The following COPS2 variants were observed in gnomAD, a reference collection of about 807,000 sequenced individuals.
COPS2 encodes COP9 signalosome complex subunit 2.
COPS2 carries 10 observed loss-of-function variants against 66.1 expected under a neutral mutation model. The ratio of observed to expected loss-of-function variants is 0.15; its 90% CI spans 0.09 to 0.26. COPS2 has a LOEUF of 0.26. Among genes scored for constraint, COPS2 ranks in the 10% least tolerant of loss-of-function variants. COPS2 has a pLI of 1.00. For missense variants in COPS2, 215 were observed against 513.3 expected, an observed-to-expected ratio of 0.42 and a Z score of 5.62; for synonymous variants, 179 against 171.3, an observed-to-expected ratio of 1.04 and a Z score of -0.35.
At chr15:49,146,191 T>TACA (rs1476040975) in intron 1 of COPS2, among the ~76,000 whole-genome samples, 8 of 152,144 alleles carry the variant, frequency 5.3e-5, no homozygotes, top group African/African-American at 1.9e-4. Context: ...GGCTTTGTAA[T>TACA]GTGCGCCCTC....
chr15:49,141,165 T>C (rs2084287520), intron 3 of COPS2, among the ~76,000 whole-genome samples: 2 of 152,174 alleles, frequency 1.3e-5, no homozygotes, highest in South Asian at 4.1e-4. Context: ...CTATCCTAAC[T>C]TTGAAGCTGT....
intron 4 of COPS2, 178 bp from the exon 5 acceptor site, chr15:49,137,615 A>G: frequency 1.9e-6 from 1 of 539,710 alleles, no homozygotes; most frequent in Middle Eastern, 4.9e-4. Flanking sequence ...AATACAGACC[A>G]AATTTACAAG....
At chr15:49,150,263 T>A (rs201815610) in intron 1 of COPS2, among the ~76,000 whole-genome samples, 51 of 127,262 alleles carry the variant, frequency 4.0e-4, no homozygotes, top group East Asian at 1.4e-3. Flanking sequence ...AAAAAAAAAA[T>A]AAATAAAAAT....
Position 49,153,507 on chromosome 15 carries a change from T to C in COPS2, c.54+2018A>G, listed in dbSNP as rs1363943646. On this transcript the variant is annotated intron_variant, in intron 1 of 12. Transcript: ENST00000388901. ...ATGGAGATTTCTCAAAAACTAGAAG[T>C]AGAACTACCATAAGATCTTGCAATC... is the stretch of plus-strand genomic sequence containing the variant. Among the ~76,000 whole-genome samples, 5 of 152,040 alleles carry C rather than the reference T, an allele frequency of 3.3e-5. No homozygotes were observed. In the East Asian group the frequency reaches 9.6e-4, roughly 29 times the overall value.
rs2084311224 is a variant in COPS2, at chr15:49,144,881, G to A, written c.168+84C>T. Reference sequence around the variant, plus strand: ...AATTAAGTATTCAAAACACATTTCTGAGATAAAATCACCTGGGACTTATTT... The same window carrying A: ...AATTAAGTATTCAAAACACATTTCTAAGATAAAATCACCTGGGACTTATTT... On this transcript the variant is annotated intron_variant, in intron 2 of 12. Coordinates refer to ENST00000388901, the MANE Select transcript of COPS2 (RefSeq NM_004236.4). The A allele has an allele frequency of 2.1e-5, 15 of 720,500 alleles. 1 individual carries two copies. The Middle Eastern group carries it at 1.2e-3, about 58-fold the overall frequency. The allele number at this position is 720,500 out of a possible 1,614,324, so 44.6% of individuals were successfully genotyped here. A position where few individuals can be genotyped will look rare whatever the true frequency, so the allele number is the denominator to read the frequency against.
chr15:49,127,675 C>A lies in COPS2; in HGVS notation c.*275G>T. The A allele has an allele frequency of 3.4e-6, 1 of 290,470 alleles. No homozygotes were observed. The highest frequency in any genetic ancestry group is 6.4e-6 in the Non-Finnish European group (1 of 157,290). The allele number at this position is 290,470 out of a possible 1,614,324, so 18.0% of individuals were successfully genotyped here. On this transcript the variant is annotated 3_prime_UTR_variant, in exon 13 of 13. Coordinates refer to ENST00000388901, the MANE Select transcript of COPS2 (RefSeq NM_004236.4). Reference sequence around the variant, plus strand: ...AAATCTTCTCTCTGGTCATGTTGCCCATGACAAATTACTATGATGTTGTAC... The same window carrying A: ...AAATCTTCTCTCTGGTCATGTTGCCAATGACAAATTACTATGATGTTGTAC...
chr15:49,131,796 A>G (rs2084211256), intron 9 of COPS2, among the ~76,000 whole-genome samples: 1 of 152,202 alleles, frequency 6.6e-6, no homozygotes, highest in South Asian at 2.1e-4. Context: ...GTGTACATAC[A>G]TATTTTAACC....
intron 4 of COPS2, 136 bp downstream of exon 4, chr15:49,139,392 T>A (rs1225275085): frequency 2.9e-6 from 2 of 684,890 alleles, no homozygotes; most frequent in East Asian, 5.5e-5. Flanking sequence ...ATAGTACTTA[T>A]CATTTTTAAA....
intron 9 of COPS2, among the ~76,000 whole-genome samples, chr15:49,132,701 A>C (rs1212711761): frequency 6.6e-6 from 1 of 151,650 alleles, no homozygotes; most frequent in Admixed American, 6.6e-5. Context: ...ATACTTTTTT[A>C]ATGAATAAAA....
intron 6 of COPS2, among the ~76,000 whole-genome samples, chr15:49,136,343 T>C (rs1255834788): frequency 2.0e-5 from 3 of 152,194 alleles, no homozygotes; most frequent in Admixed American, 2.0e-4. Context: ...TAAAAAGTTA[T>C]AGAGCCATTC....
At position 49,137,156 on chromosome 15, in the gene COPS2, C is replaced by G; in HGVS notation, c.534G>C (p.Ser178=). The G allele has an allele frequency of 1.3e-6, 2 of 1,590,644 alleles. No homozygotes were observed. Residue 178 remains serine, a synonymous_variant, in exon 6 of 13, where the codon TCG becomes TCC. Transcript: ENST00000388901. The part of the protein sequence containing the change: ...LQKILRQLHQ[S]CQTDDGEDDL... ...AAAAATAAGGGAAAGCTACCTGGCA[C>G]GACTGATGTAACTGGCGTAAAATTT...
At position 49,125,549 on chromosome 15, in the gene COPS2, T is replaced by G. The variant is rs138494934; in HGVS notation, c.*2401A>C. The stretch of plus-strand genomic sequence containing the variant: ...CAATCGATTTTTAACTTCCCCTAAA[T>G]TTATATTTCGATAAGCAATCTCTAA... On this transcript the variant is annotated 3_prime_UTR_variant, in exon 13 of 13. Coordinates refer to ENST00000388901, the MANE Select transcript of COPS2 (RefSeq NM_004236.4). 6.6e-6 allele frequency: 1 copy of G among 152,254 alleles called. No individual in the cohort carries two copies. The highest frequency in any genetic ancestry group is 1.9e-4 in the East Asian group (1 of 5,194). The allele number at this position is 152,254 out of a possible 1,614,324, so 9.4% of individuals were successfully genotyped here.
In COPS2 at chr15:49,134,500, T is replaced by A; in HGVS notation, c.555A>T (p.Glu185Asp). 1 of 1,610,366 alleles carries A rather than the reference T, an allele frequency of 6.2e-7. No individual in the cohort carries two copies. Among genetic ancestry groups the A allele is most frequent in the Non-Finnish European group, 8.5e-7 (1 of 1,178,668 alleles). The change falls in exon 7 of 13, where the codon GAA (glutamate) becomes GAT (aspartate). Residue 185 changes from glutamate to aspartate, a missense_variant. Around this residue, in one of 5 missense-constraint regions of COPS2, gnomAD observed 90 missense variants for 225.1 expected, o/e 0.40. Transcript: ENST00000388901. ...LHQSCQTDDG[E>D]DDLKKGTQLL... ...ACTGTGTACCTTTTTTCAGATCATC[T>A]TCTCCATCATCAGTCTAGGAAAGCA...
intron 1 of COPS2, among the ~76,000 whole-genome samples, chr15:49,148,731 C>T (rs1448116258): frequency 6.6e-6 from 1 of 152,104 alleles, no homozygotes; most frequent in Non-Finnish European, 1.5e-5. Flanking sequence ...GGCCTGACTC[C>T]AAGAAGCAGA....
Position 49,130,809 on chromosome 15 carries a change from G to A in COPS2, c.955C>T (p.Gln319Ter). ...TCAAATTCAGTGATGTCATTATTCT[G>A]ATAGGCACTAATAGAAAAACAAAGT... ...LAMTNLVSAY[Q>*]NNDITEFEKI... The change falls in exon 10 of 13, where the codon CAG becomes TAG. Residue 319 changes from glutamine to a stop codon, truncating the protein, a stop_gained. Coordinates refer to ENST00000388901, the MANE Select transcript of COPS2 (RefSeq NM_004236.4). LOFTEE classifies it high-confidence loss of function. The A allele has an allele frequency of 6.5e-7, 1 of 1,541,334 alleles. No homozygotes were observed. Among genetic ancestry groups the A allele is most frequent in the Non-Finnish European group, 9.0e-7 (1 of 1,115,950 alleles).
intron 6 of COPS2, among the ~76,000 whole-genome samples, chr15:49,136,556 A>G (rs550158751): frequency 1.3e-4 from 20 of 152,292 alleles, no homozygotes; most frequent in African/African-American, 4.3e-4. Flanking sequence ...TATAAATTGG[A>G]ATATAAAAAT....
intron 3 of COPS2, among the ~76,000 whole-genome samples, 199 bp from the exon 4 acceptor site, chr15:49,139,852 A>G (rs2084279258): frequency 6.6e-6 from 1 of 152,228 alleles, no homozygotes; most frequent in Non-Finnish European, 1.5e-5. Context: ...TACTCAAACC[A>G]AATGTATAAA....
intron 10 of COPS2, among the ~76,000 whole-genome samples, chr15:49,130,218 A>G (rs2084198047): frequency 6.6e-6 from 1 of 152,168 alleles, no homozygotes; most frequent in Non-Finnish European, 1.5e-5. Flanking sequence ...GCTATAAAAG[A>G]AGTCCAAGAG....
In COPS2 at chr15:49,144,997, C is replaced by T; in HGVS notation, c.136G>A (p.Asp46Asn). 1.3e-6 allele frequency: 2 copies of T among 1,596,664 alleles called. No individual in the cohort carries two copies. Among genetic ancestry groups the T allele is most frequent in the Non-Finnish European group, 1.7e-6 (2 of 1,173,810 alleles). The change falls in exon 2 of 13, where the codon GAC becomes AAC. Residue 46 changes from aspartate to asparagine, a missense_variant. Transcript: ENST00000388901. ...AAACTGCTTAATGCCGCTTTTGGGTCATCTTCTTTTAATGCTTTGGAATTA... is the reference window on the plus strand; with the variant it reads ...AAACTGCTTAATGCCGCTTTTGGGTTATCTTCTTTTAATGCTTTGGAATTA... Reference protein sequence around the residue: ...YYNSKALKEDDPKAALSSFQK... With the variant: ...YYNSKALKEDNPKAALSSFQK...
Sources: gnomAD v4.1 joint callset for allele counts (sites outside exome capture counted in the v4.1 genomes callset) on GRCh38, gnomAD v4.1.1 for gene constraint, gnomAD v4.1.1 regional missense constraint, MANE v1.5 for transcripts, NCBI Gene and HGNC (gene_info 2026-07-23, HGNC 2026-07-21) for gene names.